The following YPEL2 variants were observed in gnomAD, a reference collection of about 807,000 sequenced individuals.
YPEL2 encodes protein yippee-like 2.
In YPEL2, 2 loss-of-function variants were observed where a neutral mutation model predicts 19.1. The observed-to-expected ratio is 0.10, with a 90% CI of 0.04 to 0.33. The LOEUF is 0.33. YPEL2 is among the 10% of genes least tolerant of loss of function. YPEL2 has a pLI of 1.00. For synonymous variants in YPEL2, 52 were observed against 50.0 expected (o/e 1.04, Z -0.17); for missense variants, 66 against 140.7 (o/e 0.47, Z 2.68).
chr17:59,396,797 A>T (rs1469458092), intron 4 of YPEL2, among the ~76,000 whole-genome samples: 1 of 152,178 alleles, frequency 6.6e-6, no homozygotes, highest in East Asian at 1.9e-4. Flanking sequence ...GAGGGAGGCC[A>T]AGGTGAGTGG....
chr17:59,388,413 C>G (rs1409648663), intron 3 of YPEL2, 43 bp downstream of exon 3: 1 of 1,594,598 alleles, frequency 6.3e-7, no homozygotes, highest in Non-Finnish European at 8.6e-7. Flanking sequence ...GGTACAGATT[C>G]GAGGGATGGG....
chr17:59,348,164 T>G (rs2047766329), intron 1 of YPEL2, among the ~76,000 whole-genome samples: 1 of 152,216 alleles, frequency 6.6e-6, no homozygotes, highest in South Asian at 2.1e-4. Flanking sequence ...CTGGTTTGTG[T>G]GAGTCCAGAG....
At chr17:59,389,748 G>A (rs939069577) in intron 4 of YPEL2, among the ~76,000 whole-genome samples, 1 of 151,518 alleles carries the variant, frequency 6.6e-6, no homozygotes, top group Non-Finnish European at 1.5e-5. Context: ...TAGATGCCAG[G>A]CATGCATCAG....
At chr17:59,369,367 C>T (rs1302675691) in intron 2 of YPEL2, among the ~76,000 whole-genome samples, 1 of 152,214 alleles carries the variant, frequency 6.6e-6, no homozygotes, top group Non-Finnish European at 1.5e-5. Context: ...ACATCAGAAT[C>T]ACCTGAGATA....
chr17:59,376,483 G>T (rs569618297), intron 2 of YPEL2, among the ~76,000 whole-genome samples: 1 of 152,328 alleles, frequency 6.6e-6, no homozygotes, highest in South Asian at 2.1e-4. Context: ...CTCCCAAAGT[G>T]CTGGGATTAC....
intron 2 of YPEL2, among the ~76,000 whole-genome samples, chr17:59,382,203 C>T (rs2147953684): frequency 6.6e-6 from 1 of 152,362 alleles, no homozygotes; most frequent in East Asian, 1.9e-4. Context: ...TACTGCTCCT[C>T]AAGGGAACCT....
At chr17:59,358,736 C>G (rs943990887) in intron 2 of YPEL2, among the ~76,000 whole-genome samples, 1 of 151,392 alleles carries the variant, frequency 6.6e-6, no homozygotes, top group Non-Finnish European at 1.5e-5. Context: ...CAGCCTCCTG[C>G]GTAGCTGGGA....
At position 59,398,225 on chromosome 17, in the gene YPEL2, G is replaced by C. The variant is rs780332274; in HGVS notation, c.*1035G>C. The C allele has an allele frequency of 6.6e-6, 1 of 152,210 alleles. No homozygotes were observed. Among genetic ancestry groups the C allele is most frequent in the Non-Finnish European group, 1.5e-5 (1 of 68,066 alleles). 9.4% of individuals were successfully genotyped at this position (152,210 alleles called of 1,614,324 possible). A position where few individuals can be genotyped will look rare whatever the true frequency, so the allele number is the denominator to read the frequency against. ...TGGGTAGGGGTCATCCCAGGAGGAG[G>C]GGTTTACATTGGAACCAGTTCAGGT... On this transcript the variant is annotated 3_prime_UTR_variant, in exon 5 of 5. Transcript: ENST00000312655.
At chr17:59,338,304 G>A (rs2047709750) in intron 1 of YPEL2, among the ~76,000 whole-genome samples, 1 of 152,188 alleles carries the variant, frequency 6.6e-6, no homozygotes. Flanking sequence ...TTCTGGGTGT[G>A]AATGGTGACC....
chr17:59,348,362 G>A (rs1425241154), intron 1 of YPEL2, among the ~76,000 whole-genome samples: 2 of 152,238 alleles, frequency 1.3e-5, no homozygotes, highest in East Asian at 1.9e-4. Flanking sequence ...CATTCCTCAC[G>A]TTCCTTTGTG....
chr17:59,360,157 A>G (rs1253011043), intron 2 of YPEL2, among the ~76,000 whole-genome samples: 3 of 152,198 alleles, frequency 2.0e-5, no homozygotes, highest in Non-Finnish European at 4.4e-5. Context: ...GCTCACTGCA[A>G]GCTCCGCTTC....
chr17:59,380,089 G>C (rs567430378), intron 2 of YPEL2, among the ~76,000 whole-genome samples: 1 of 151,062 alleles, frequency 6.6e-6, no homozygotes, highest in Non-Finnish European at 1.5e-5. Flanking sequence ...TCGAACTCCC[G>C]ACCTCAAGTG....
At chr17:59,340,201 C>A (rs570060141) in intron 1 of YPEL2, among the ~76,000 whole-genome samples, 7 of 151,942 alleles carry the variant, frequency 4.6e-5, no homozygotes, top group African/African-American at 1.7e-4. Context: ...TCCACCCCCC[C>A]AGGTTCAAGC....
Position 59,361,472 on chromosome 17 carries a change from G to A in YPEL2, c.117+7946G>A, listed in dbSNP as rs551752768. Among the ~76,000 whole-genome samples, 9 of 152,254 alleles carry A rather than the reference G, an allele frequency of 5.9e-5. No individual in the cohort carries two copies. The South Asian group carries it at 8.3e-4, about 14-fold the overall frequency. On this transcript the variant is annotated intron_variant, in intron 2 of 4. Coordinates refer to ENST00000312655, the MANE Select transcript of YPEL2 (RefSeq NM_001005404.4). ...AAAGCAGTTATCACAGTGTGATGACGCATGTTTCCCATTAGCCTGTGAATT... is the reference window on the plus strand; with the variant it reads ...AAAGCAGTTATCACAGTGTGATGACACATGTTTCCCATTAGCCTGTGAATT...
chr17:59,381,646 G>A (rs1250097476), intron 2 of YPEL2, among the ~76,000 whole-genome samples: 2 of 152,124 alleles, frequency 1.3e-5, no homozygotes, highest in Non-Finnish European at 2.9e-5. Flanking sequence ...GAAACTCAAA[G>A]CCCTTTCTGT....
chr17:59,358,818 G>T (rs2047826114), intron 2 of YPEL2, among the ~76,000 whole-genome samples: 1 of 151,920 alleles, frequency 6.6e-6, no homozygotes, highest in African/African-American at 2.4e-5. Flanking sequence ...ATTTTGGCCA[G>T]GCTGATCTCG....
intron 2 of YPEL2, among the ~76,000 whole-genome samples, chr17:59,377,248 A>G (rs1567752776): frequency 6.6e-6 from 1 of 152,198 alleles, no homozygotes; most frequent in Non-Finnish European, 1.5e-5. Flanking sequence ...TCCTAGGCAT[A>G]TTAATTTATA....
intron 2 of YPEL2, among the ~76,000 whole-genome samples, chr17:59,362,048 CAGTT>C (rs2047843759): frequency 6.6e-6 from 1 of 151,934 alleles, no homozygotes; most frequent in Non-Finnish European, 1.5e-5. Context: ...GTCCCATTGA[CAGTT>C]GGTTGCTACT....
chr17:59,355,852 T>C (rs2147941349), intron 2 of YPEL2: 1 of 152,396 alleles, frequency 6.6e-6, no homozygotes, highest in South Asian at 2.1e-4. Flanking sequence ...TTCAATTTCA[T>C]TGGCTCAGGC....
Sources: allele counts gnomAD v4.1 joint callset (sites outside exome capture counted in the v4.1 genomes callset), GRCh38; gene constraint gnomAD v4.1.1; transcripts MANE v1.5; gene names NCBI Gene and HGNC (gene_info 2026-07-23, HGNC 2026-07-21).